The following ABCA2 variants were observed in gnomAD, a reference collection of about 807,000 sequenced individuals.
The protein encoded by ABCA2 is ATP binding cassette subfamily A member 2, also known as ATP-binding cassette sub-family A member 2.
Under a neutral mutation model 262.8 loss-of-function variants are expected in ABCA2, and 84 were observed. The observed-to-expected ratio is 0.32, with a 90% CI of 0.27 to 0.38. The LOEUF (loss-of-function observed/expected upper bound fraction) is 0.38. Ranked by LOEUF, ABCA2 falls within the 10% of genes least tolerant of loss-of-function variation. ABCA2 has a pLI of 1.00. For synonymous variants in ABCA2, 1,696 were observed against 1,502.9 expected (o/e 1.13, Z -2.97); for missense variants, 2,662 against 3,405.9 (o/e 0.78, Z 5.44).
rs1831139771 is a variant in ABCA2, at chr9:137,013,407, C to T, written c.4550+54G>A. 4 of 1,306,248 alleles carry T rather than the reference C, an allele frequency of 3.1e-6. No individual in the cohort carries two copies. The South Asian group carries it at 3.8e-5, about 12-fold the overall frequency. The allele number at this position is 1,306,248 out of a possible 1,614,324, so 80.9% of individuals were successfully genotyped here. A position where few individuals can be genotyped will look rare whatever the true frequency, so the allele number is the denominator to read the frequency against. ...CGCCCGCCTGGCCCACCAAGGCTGT[C>T]CCCGCCCCTTCACTCGCCCCACCCA... On this transcript the variant is annotated intron_variant, in intron 29 of 48. Coordinates refer to ENST00000341511, the MANE Select transcript of ABCA2 (RefSeq NM_001606.5).
intron 22 of ABCA2, 27 bp downstream of exon 22, chr9:137,015,935 G>GGCCCCC: frequency 5.0e-6 from 7 of 1,405,476 alleles, no homozygotes; most frequent in South Asian, 4.5e-5. Flanking sequence ...CCGCCCACCT[G>GGCCCCC]CCCCGCCCCC....
At chr9:137,018,397 C>A in intron 13 of ABCA2, 46 bp from the exon 14 acceptor site, 1 of 840,978 alleles carries the variant, frequency 1.2e-6, no homozygotes, top group Non-Finnish European at 1.5e-6. Context: ...GGGGCGGGAC[C>A]AAGGCGTGGT....
chr9:137,008,989 G>C lies in ABCA2; in HGVS notation c.6892C>G (p.Arg2298Gly), dbSNP rs747266171. 1.9e-6 allele frequency: 3 copies of C among 1,591,048 alleles called. No individual in the cohort carries two copies. Among genetic ancestry groups the C allele is most frequent in the African/African-American group, 1.4e-5 (1 of 71,440 alleles). The change falls in exon 46 of 49, where the codon CGG becomes GGG. Residue 2298 changes from arginine (R) to glycine (G), a missense_variant. Arg to Gly is a moderately radical substitution (Grantham distance 125, BLOSUM62 -2). Coordinates refer to ENST00000341511, the MANE Select transcript of ABCA2 (RefSeq NM_001606.5). ...KSSQSVKDVV[R>G]FFNRNFPEAM... ...TCCGGGAAGTTGCGGTTGAAGAACC[G>C]CACCACGTCCTTCACACTCTGGCTG...
At position 137,011,623 on chromosome 9, in the gene ABCA2, CT is replaced by C; in HGVS notation, c.5651+10del. On this transcript the variant is annotated intron_variant, in intron 36 of 48. Coordinates refer to ENST00000341511, the MANE Select transcript of ABCA2 (RefSeq NM_001606.5). This position sits in a 1 kb window ranked among gnomAD's most constrained non-coding sequence, Gnocchi z 8.8. ...CCACCTGAGGCCGCTCCCCCCTCCG[CT>C]TCCGCTTACCCATAGAGCAGGAAGA... 1 of 1,552,714 alleles carries C rather than the reference CT, an allele frequency of 6.4e-7. No homozygotes were observed. The highest frequency in any genetic ancestry group is 8.7e-7 in the Non-Finnish European group (1 of 1,148,466).
At chr9:137,022,033 G>GGTGTGGCTCAGATGGGA (rs1554738889) in intron 6 of ABCA2, 32 bp from the exon 7 acceptor site, 1 of 1,343,822 alleles carries the variant, frequency 7.4e-7, no homozygotes, top group South Asian at 1.3e-5. Flanking sequence ...CTCAGATGGG[G>GGTGTGGCTCAGATGGGA]TGTGGGGGGC....
At chr9:137,014,887 GC>G (rs747487694) in intron 25 of ABCA2, 25 bp downstream of exon 25, 7 of 1,579,056 alleles carry the variant, frequency 4.4e-6, no homozygotes, top group African/African-American at 2.7e-5. Flanking sequence ...ACCTGCAACT[GC>G]CCCCCGACCC....
rs200002840 is a variant in ABCA2 at position 137,010,240 on chromosome 9, G to A, written c.6306C>T (p.Thr2102=). Residue 2102 remains threonine, a synonymous_variant, in exon 41 of 49, where the codon ACC becomes ACT. Coordinates refer to ENST00000341511, the MANE Select transcript of ABCA2 (RefSeq NM_001606.5). ...AGKTSTFKML[T]GDESTTGGEA... is the part of the protein sequence containing the mutation. ...CGCCCCCCGTCGTGCTCTCGTCGCCGGTCAGCATCTTGAAGGTGCTGGTCT... is the reference window on the plus strand; with the variant it reads ...CGCCCCCCGTCGTGCTCTCGTCGCCAGTCAGCATCTTGAAGGTGCTGGTCT... 3.7e-5 allele frequency: 60 copies of A among 1,603,956 alleles called. 1 individual carries two copies. Among genetic ancestry groups the A allele is most frequent in the South Asian group, 1.0e-4 (9 of 89,648 alleles).
At chr9:137,017,161 G>A (rs766918702) in intron 18 of ABCA2, 35 bp downstream of exon 18, 40 of 1,611,506 alleles carry the variant, frequency 2.5e-5, no homozygotes, top group Non-Finnish European at 3.1e-5. Context: ...GGGGTGGCCC[G>A]GCACCCCAGC....
At chr9:137,014,432 A>C in intron 26 of ABCA2, 28 bp from the exon 27 acceptor site, 1 of 1,555,768 alleles carries the variant, frequency 6.4e-7, no homozygotes, top group Non-Finnish European at 8.7e-7. Context: ...CCGAGGGGAC[A>C]CTCAGGGCTA....
rs753980203 is a variant in ABCA2 at position 137,022,371 on chromosome 9, C to A, written c.547G>T (p.Ala183Ser). 1 of 1,608,954 alleles carries A rather than the reference C, an allele frequency of 6.2e-7. No homozygotes were observed. Among genetic ancestry groups the A allele is most frequent in the Non-Finnish European group, 8.5e-7 (1 of 1,178,392 alleles). Residue 183 changes from alanine (A) to serine (S), a missense_variant, in exon 6 of 49, where the codon GCC (alanine) becomes TCC (serine). Ala to Ser is a moderately conservative substitution (Grantham distance 99). This residue lies in a region of ABCA2 where 403 missense variants were observed against 375.9 expected (regional missense o/e 1.07). Transcript: ENST00000341511. Reference sequence around the variant, plus strand: ...CTTACCTCGGGCGGGTCCACACGGGCGGCCAAGAGTGCTTGGGCCGTGCTA... The same window carrying A: ...CTTACCTCGGGCGGGTCCACACGGGAGGCCAAGAGTGCTTGGGCCGTGCTA... Reference protein sequence around the residue: ...PNSTAQALLAARVDPPEVYHL... With the variant: ...PNSTAQALLASRVDPPEVYHL...
chr9:137,019,342 A>G lies in ABCA2; in HGVS notation c.1426-36T>C. 1 of 1,603,872 alleles carries G rather than the reference A, an allele frequency of 6.2e-7. No individual in the cohort carries two copies. The highest frequency in any genetic ancestry group is 8.5e-7 in the Non-Finnish European group (1 of 1,174,240). ...TGAGGCAGGGGCATGGAGTTTCTGG[A>G]CGGACCCCCACCGACTTGGGGGCTC... On this transcript the variant is annotated intron_variant, in intron 10 of 48. Coordinates refer to ENST00000341511, the MANE Select transcript of ABCA2 (RefSeq NM_001606.5). The surrounding 1 kb of genome is among the most constrained non-coding windows in gnomAD (Gnocchi z 4.4).
In ABCA2 at chr9:137,015,672, C is replaced by T. The variant is rs1831233011; in HGVS notation, c.3514+3G>A. The T allele has an allele frequency of 1.9e-6, 3 of 1,609,074 alleles. No homozygotes were observed. The highest frequency in any genetic ancestry group is 1.3e-5 in the African/African-American group (1 of 74,852). Reference sequence around the variant, plus strand: ...ACCCCTGCCCACACGGCACCCCACTCACCTGGCTTGTACTTCAGGATGAGG... The same window carrying T: ...ACCCCTGCCCACACGGCACCCCACTTACCTGGCTTGTACTTCAGGATGAGG... On this transcript the variant is annotated splice_donor_region_variant and intron_variant, in intron 23 of 48. Transcript: ENST00000341511.
rs368482288 is a variant in ABCA2 at position 137,014,216 on chromosome 9, G to A, written c.4192C>T (p.Arg1398Cys). 99 of 1,609,556 alleles carry A rather than the reference G, an allele frequency of 6.2e-5. 1 individual carries two copies. In the South Asian group the frequency reaches 7.5e-4, roughly 12 times the overall value. ...AGYTDVYGDY[R>C]PLFDNPQDPD... ...TCCTGTGGGTTATCAAAGAGGGGGC[G>A]GTAGTCGCCATAGACGTCGGTGTAG... is the stretch of plus-strand genomic sequence containing the variant. Residue 1398 changes from arginine (R) to cysteine (C), a missense_variant, in exon 27 of 49, where the codon CGC becomes TGC. By Grantham distance (180) the Arg-to-Cys change is radical. Transcript: ENST00000341511.
chr9:137,014,101 T>C, intron 27 of ABCA2, 63 bp from the exon 28 acceptor site: 5 of 1,590,924 alleles, frequency 3.1e-6, no homozygotes, highest in Non-Finnish European at 4.3e-6. Flanking sequence ...CTGGCTGCCC[T>C]CATGCCGCTC....
Position 137,009,980 on chromosome 9 carries a change from C to T in ABCA2, c.6495+3G>A, listed in dbSNP as rs370227552. 186 of 1,597,330 alleles carry T rather than the reference C, an allele frequency of 1.2e-4. No homozygotes were observed. Among genetic ancestry groups the T allele is most frequent in the Middle Eastern group, 1.7e-4 (1 of 6,054 alleles). On this transcript the variant is annotated splice_donor_region_variant and intron_variant, in intron 42 of 48. Transcript: ENST00000341511. ...CTCCCTGCCCCGCCCCACAGATCCT[C>T]ACCCGGGCCTCGTCCTTCCAGGAGA...
At position 137,023,007 on chromosome 9, in the gene ABCA2, A is replaced by T; in HGVS notation, c.209T>A (p.Val70Asp). 6.3e-7 allele frequency: 1 copy of T among 1,596,696 alleles called. No individual in the cohort carries two copies. The highest frequency in any genetic ancestry group is 8.5e-7 in the Non-Finnish European group (1 of 1,172,698). The change falls in exon 4 of 49, where the codon GTC becomes GAC. Residue 70 changes from valine (V) to aspartate (D), a missense_variant. Physicochemically the swap from Val to Asp is radical, Grantham distance 152. Transcript: ENST00000341511. ...APLTSAGILPVMQSLCPDGQR... is the reference protein window; with the variant it reads ...APLTSAGILPDMQSLCPDGQR... Reference sequence around the variant, plus strand: ...GCCGTCCGGGCACAGCGATTGCATGACAGGCAGGATGCCGGCAGACGTCAG... The same window carrying T: ...GCCGTCCGGGCACAGCGATTGCATGTCAGGCAGGATGCCGGCAGACGTCAG...
At chr9:137,028,408 G>T (rs1481445310), upstream of ABCA2, 1 of 453,826 alleles carries the variant, frequency 2.2e-6, no homozygotes, top group Non-Finnish European at 2.9e-6. The surrounding 1 kb of genome is among the most constrained non-coding windows in gnomAD (Gnocchi z 6.9). Context: ...GACCGACCCG[G>T]GCCCGAGACC....
Position 137,015,713 on chromosome 9 carries a change from C to T in ABCA2, c.3476G>A (p.Arg1159His). 1.2e-6 allele frequency: 2 copies of T among 1,610,144 alleles called. No homozygotes were observed. The highest frequency in any genetic ancestry group is 2.2e-5 in the East Asian group (1 of 44,748). ...CAGGATGAGGTCCCAGATGGCGCGG[C>T]GCGCGTAGGGGTCCACGCCCGCCGT... is the stretch of plus-strand genomic sequence containing the variant. ...EPTAGVDPYARRAIWDLILKY... is the reference protein window; with the variant it reads ...EPTAGVDPYAHRAIWDLILKY... Residue 1159 changes from arginine (R) to histidine (H), a missense_variant, in exon 23 of 49, where the codon CGC (arginine) becomes CAC (histidine). Arg to His is a conservative substitution (Grantham distance 29). Transcript: ENST00000341511.
upstream of ABCA2, chr9:137,028,738 C>T: frequency 2.4e-6 from 3 of 1,271,136 alleles, no homozygotes; most frequent in South Asian, 1.4e-5. The surrounding 1 kb of genome is among the most constrained non-coding windows in gnomAD (Gnocchi z 6.9). Flanking sequence ...GCAGGGCGGC[C>T]AGGTGGGTCC....
Sources: gnomAD v4.1 joint callset for allele counts on GRCh38, gnomAD v4.1.1 for gene constraint, gnomAD v4.1.1 regional missense constraint, Gnocchi (gnomAD v3.1) non-coding constraint, MANE v1.5 for transcripts, NCBI Gene and HGNC (gene_info 2026-07-23, HGNC 2026-07-21) for gene names.